PRAMEF33: variants seen among roughly 807,000 people sequenced by gnomAD.
The protein encoded by PRAMEF33 is PRAME family member 33.
In PRAMEF33, 5 loss-of-function variants were observed where a neutral mutation model predicts 28.1. The observed-to-expected ratio is 0.18, with a 90% CI of 0.09 to 0.37. The LOEUF (loss-of-function observed/expected upper bound fraction) is 0.37, where lower values mean the gene tolerates loss of function less well. Ranked by LOEUF, PRAMEF33 falls within the 10% of genes least tolerant of loss-of-function variation. The probability of loss-of-function intolerance (pLI) is 1.00; values close to 1 mark genes in which losing one functional copy is unlikely to be tolerated. For missense variants in PRAMEF33, 62 were observed against 471.1 expected, an observed-to-expected ratio of 0.13 and a Z score of 8.04; for synonymous variants, 28 against 183.2, an observed-to-expected ratio of 0.15 and a Z score of 6.84.
Position 13,304,430 on chromosome 1 carries a change from G to A in PRAMEF33, c.-26+844G>A, listed in dbSNP as rs1639838889. The A allele has an allele frequency of 3.5e-5, 5 of 141,302 alleles. No homozygotes were observed. In the South Asian group the frequency reaches 1.1e-3, roughly 31 times the overall value. 8.8% of individuals were successfully genotyped at this position (141,302 alleles called of 1,614,324 possible). On this transcript the variant is annotated intron_variant, in intron 1 of 3. Transcript: ENST00000437300. ...AAGAAAAAAAATCTTAACCAAAGAGGATCTTTGACCTTAATTTTAAACCAA... is the reference window on the plus strand; with the variant it reads ...AAGAAAAAAAATCTTAACCAAAGAGAATCTTTGACCTTAATTTTAAACCAA...
chr1:13,306,722 C>T lies in PRAMEF33; in HGVS notation c.372C>T (p.Cys124=). 1.5e-6 allele frequency: 2 copies of T among 1,373,916 alleles called. 1 individual carries two copies. The highest frequency in any genetic ancestry group is 2.0e-6 in the Non-Finnish European group (2 of 994,536). The allele number at this position is 1,373,916 out of a possible 1,614,324, so 85.1% of individuals were successfully genotyped here. The change falls in exon 3 of 4, where the codon TGC becomes TGT. Residue 124 remains cysteine, a synonymous_variant. Coordinates refer to ENST00000437300, the MANE Select transcript of PRAMEF33 (RefSeq NM_001291381.1). The part of the protein sequence containing the change: ...TIWSGARVLS[C]SPEAMSKRQT... ...GGTCTGGAGCCAGGGTCCTCTCCTG[C>T]TCCCCAGAGGCCATGAGTAAGAGGC...
chr1:13,307,993 G>T (rs1458138235), intron 3 of PRAMEF33: 13 of 278,620 alleles, frequency 4.7e-5, no homozygotes, highest in Admixed American at 5.0e-5. Context: ...ATTGATATCA[G>T]AAGTGCATGC....
chr1:13,305,485 G>A lies in PRAMEF33; in HGVS notation c.-25-445G>A, dbSNP rs1167654632. On this transcript the variant is annotated intron_variant, in intron 1 of 3. Coordinates refer to ENST00000437300, the MANE Select transcript of PRAMEF33 (RefSeq NM_001291381.1). ...TGGTGAAATTTTCAATAATGAGTCC[G>A]GGAAGAGGATTACGCCTGTAATCCC... 58 of 176,618 alleles carry A rather than the reference G, an allele frequency of 3.3e-4. 2 individuals are homozygous for A. The highest frequency in any genetic ancestry group is 5.8e-4 in the Non-Finnish European group (51 of 88,682). The allele number at this position is 176,618 out of a possible 1,614,324, so 10.9% of individuals were successfully genotyped here. A position where few individuals can be genotyped will look rare whatever the true frequency, so the allele number is the denominator to read the frequency against.
At chr1:13,304,219 G>A (rs1375988134) in intron 1 of PRAMEF33, 1 of 150,646 alleles carries the variant, frequency 6.6e-6, no homozygotes, top group African/African-American at 2.4e-5. Flanking sequence ...TGAGCCACTG[G>A]TGCTTGGCCT....
At chr1:13,305,689 A>C in intron 1 of PRAMEF33, 2 of 513,786 alleles carry the variant, frequency 3.9e-6, no homozygotes, top group East Asian at 6.8e-5. Context: ...AGTTTATTGC[A>C]ACAGTGGCTA....
chr1:13,308,866 G>A lies in PRAMEF33; in HGVS notation c.1404G>A (p.Val468=). Residue 468 remains valine (V), a synonymous_variant, in exon 4 of 4, where the codon GTG becomes GTA. Transcript: ENST00000437300. The part of the protein sequence containing the change: ...PTCGSWPSEK[V]DFHLCS ...GTGGCTCATGGCCATCTGAGAAAGT[G>A]GACTTCCATCTTTGCTCCTAGGGAA... is the stretch of plus-strand genomic sequence containing the variant. 1.2e-6 allele frequency: 2 copies of A among 1,604,782 alleles called. No homozygotes were observed. Among genetic ancestry groups the A allele is most frequent in the Non-Finnish European group, 8.5e-7 (1 of 1,176,228 alleles).
intron 1 of PRAMEF33, chr1:13,303,907 G>A (rs1374577756): frequency 7.0e-6 from 1 of 142,068 alleles, no homozygotes; most frequent in Non-Finnish European, 1.6e-5. Context: ...GGACAACACG[G>A]CAAAAACCCA....
chr1:13,308,835 C>T lies in PRAMEF33; in HGVS notation c.1373C>T (p.Pro458Leu), dbSNP rs1639902896. The T allele has an allele frequency of 6.2e-7, 1 of 1,604,670 alleles. No homozygotes were observed. The change falls in exon 4 of 4, where the codon CCT becomes CTT. Residue 458 changes from proline to leucine, a missense_variant. Physicochemically the swap from Pro to Leu is moderately conservative, Grantham distance 98. Transcript: ENST00000437300. ...KRIFFGPVPC[P>L]TCGSWPSEKV... is the part of the protein sequence containing the mutation. ...ATCTTCTTTGGTCCCGTCCCTTGCCCTACCTGTGGCTCATGGCCATCTGAG... is the reference window on the plus strand; with the variant it reads ...ATCTTCTTTGGTCCCGTCCCTTGCCTTACCTGTGGCTCATGGCCATCTGAG...
chr1:13,305,475 T>C (rs1639848544), intron 1 of PRAMEF33: 1 of 170,112 alleles, frequency 5.9e-6, no homozygotes, highest in East Asian at 1.6e-4. Context: ...AAATTTTCAA[T>C]AATGAGTCCG....
intron 3 of PRAMEF33, chr1:13,307,907 GCT>G (rs1639885883): frequency 1.2e-5 from 2 of 168,296 alleles, no homozygotes; most frequent in East Asian, 3.5e-4. Flanking sequence ...CACAGTAGCA[GCT>G]CTGTCTTCAG....
At position 13,308,402 on chromosome 1, in the gene PRAMEF33, T is replaced by C. The variant is rs782546492; in HGVS notation, c.940T>C (p.Ser314Pro). ...YLADRDMECLSQYPSLSQLKE... is the reference protein window; with the variant it reads ...YLADRDMECLPQYPSLSQLKE... ...AGCTGATCGGGACATGGAGTGTCTG[T>C]CTCAGTACCCAAGCCTCAGTCAGCT... The change falls in exon 4 of 4, where the codon TCT becomes CCT. Residue 314 changes from serine to proline, a missense_variant. Transcript: ENST00000437300. 34,928 of 1,240,878 alleles carry C rather than the reference T, an allele frequency of 0.028. 2,995 individuals carry two copies. The highest frequency in any genetic ancestry group is 0.045 in the East Asian group (1,684 of 37,186). The allele number at this position is 1,240,878 out of a possible 1,614,324, so 76.9% of individuals were successfully genotyped here.
chr1:13,308,876 C>A lies in PRAMEF33; in HGVS notation c.1414C>A (p.Leu472Ile). 2 of 1,605,134 alleles carry A rather than the reference C, an allele frequency of 1.2e-6. No homozygotes were observed. Among genetic ancestry groups the A allele is most frequent in the Non-Finnish European group, 1.7e-6 (2 of 1,176,332 alleles). ...GCCATCTGAGAAAGTGGACTTCCAT[C>A]TTTGCTCCTAGGGAAGGCCTGGTTC... ...SWPSEKVDFH[L>I]CS The change falls in exon 4 of 4, where the codon CTT becomes ATT. Residue 472 changes from leucine (L) to isoleucine (I), a missense_variant. Physicochemically the swap from Leu to Ile is conservative, Grantham distance 5. Transcript: ENST00000437300.
Position 13,304,577 on chromosome 1 carries a change from T to TA in PRAMEF33, c.-26+992dup, listed in dbSNP as rs1310985730. ...TCACTTGAACCTGGGAGGCAGAGGT[T>TA]ACAGTGAGCTGAGATGGCACCACTG... On this transcript the variant is annotated intron_variant, in intron 1 of 3. Transcript: ENST00000437300. 4.5e-5 allele frequency: 3 copies of TA among 66,748 alleles called. No homozygotes were observed. In the Admixed American group the frequency reaches 4.9e-4, roughly 11 times the overall value. 4.1% of individuals were successfully genotyped at this position (66,748 alleles called of 1,614,324 possible). A position where few individuals can be genotyped will look rare whatever the true frequency, so the allele number is the denominator to read the frequency against.
At position 13,308,880 on chromosome 1, in the gene PRAMEF33, G is replaced by A. The variant is rs1639904006; in HGVS notation, c.1418G>A (p.Cys473Tyr). The change falls in exon 4 of 4, where the codon TGC (cysteine) becomes TAC (tyrosine). Residue 473 changes from cysteine (C) to tyrosine (Y), a missense_variant. By Grantham distance (194) the Cys-to-Tyr change is radical. Transcript: ENST00000437300. The stretch of plus-strand genomic sequence containing the variant: ...TCTGAGAAAGTGGACTTCCATCTTT[G>A]CTCCTAGGGAAGGCCTGGTTCGTGG... ...WPSEKVDFHL[C>Y]S The A allele has an allele frequency of 6.2e-7, 1 of 1,604,876 alleles. No individual in the cohort carries two copies. Among genetic ancestry groups the A allele is most frequent in the African/African-American group, 1.4e-5 (1 of 73,294 alleles).
At chr1:13,305,411 G>A (rs1639848000) in intron 1 of PRAMEF33, 1 of 147,322 alleles carries the variant, frequency 6.8e-6, no homozygotes, top group Admixed American at 6.3e-5. Context: ...GGAAACATCT[G>A]TGTCTTGCGA....
intron 1 of PRAMEF33, chr1:13,305,435 C>G (rs1274388364): frequency 6.2e-6 from 1 of 162,460 alleles, no homozygotes; most frequent in Non-Finnish European, 1.2e-5. Flanking sequence ...ATGCATAACA[C>G]TGTCACACAG....
chr1:13,308,009 G>C (rs1639887343), intron 3 of PRAMEF33: 1 of 309,994 alleles, frequency 3.2e-6, no homozygotes, highest in East Asian at 8.2e-5. Flanking sequence ...CATGCTTCTG[G>C]GATGGAGGGT....
Position 13,305,760 on chromosome 1 carries a change from G to A in PRAMEF33, c.-25-170G>A. ...TTAGAGGTTGGGACACACTCTTCTT[G>A]GTACCAGAAGGGCAGAACCATGCCT... is the stretch of plus-strand genomic sequence containing the variant. On this transcript the variant is annotated intron_variant, in intron 1 of 3. Transcript: ENST00000437300. The A allele has an allele frequency of 6.9e-6, 4 of 579,410 alleles. No homozygotes were observed. The South Asian group carries it at 8.2e-5, about 12-fold the overall frequency. The allele number at this position is 579,410 out of a possible 1,614,324, so 35.9% of individuals were successfully genotyped here.
rs1407931125 is a variant in PRAMEF33, at chr1:13,306,020, C to T, written c.66C>T (p.Phe22=). The T allele has an allele frequency of 1.3e-6, 2 of 1,584,748 alleles. No homozygotes were observed. The highest frequency in any genetic ancestry group is 2.7e-5 in the African/African-American group (2 of 74,484). Residue 22 remains phenylalanine (F), a synonymous_variant, in exon 2 of 4, where the codon TTC becomes TTT. Coordinates refer to ENST00000437300, the MANE Select transcript of PRAMEF33 (RefSeq NM_001291381.1). ...LAGQSLLRNQ[F]LTIFTLDELP... ...GGCAGAGCCTGCTGAGGAACCAGTT[C>T]TTGACCATCTTCACCCTGGATGAGC...
Sources: gnomAD v4.1 joint callset for allele counts on GRCh38, gnomAD v4.1.1 for gene constraint, MANE v1.5 for transcripts, NCBI Gene and HGNC (gene_info 2026-07-23, HGNC 2026-07-21) for gene names.